Variants in ANO7 observed in about 807,000 individuals in gnomAD.
ANO7 encodes the protein anoctamin-7.
ANO7 carries 114 observed loss-of-function variants against 115.8 expected under a neutral mutation model. The ratio of observed to expected loss-of-function variants is 0.98; its 90% CI spans 0.85 to 1.15. The LOEUF (loss-of-function observed/expected upper bound fraction) is 1.15, where lower values mean the gene tolerates loss of function less well. ANO7 is among the 50% of genes most tolerant of loss of function. The probability of loss-of-function intolerance (pLI) is 0.00; values close to 1 mark genes in which losing one functional copy is unlikely to be tolerated. For missense variants in ANO7, 1,302 were observed against 1,201.2 expected (o/e 1.08, Z -1.24); for synonymous variants, 550 against 498.2 (o/e 1.10, Z -1.38).
rs370329813 is a variant in ANO7 at position 241,209,290 on chromosome 2, C to T, written c.1083C>T (p.Gly361=). The part of the protein sequence containing the change: ...LSSACALAQA[G]RLFDHGGTVF... ...GCCCCCGCTCCCTGCCACAGGCCGG[C>T]CGGCTGTTCGACCACGGCGGCACCG... is the stretch of plus-strand genomic sequence containing the variant. The change falls in exon 12 of 25, where the codon GGC becomes GGT. Residue 361 remains glycine, a synonymous_variant. Coordinates refer to ENST00000674324, the MANE Select transcript of ANO7 (RefSeq NM_001370694.2). The T allele has an allele frequency of 2.1e-5, 32 of 1,553,170 alleles. 1 individual carries two copies. The highest frequency in any genetic ancestry group is 3.3e-4 in the Middle Eastern group (2 of 6,020).
the ANO7 span, chr2:241,235,346 A>G: frequency 1.9e-6 from 3 of 1,554,018 alleles, no homozygotes; most frequent in South Asian, 2.4e-5. Context: ...GTGAGAGGGA[A>G]GGCCACCCGC....
intron 21 of ANO7, among the ~76,000 whole-genome samples, chr2:241,218,861 G>C (rs368162121): frequency 6.6e-6 from 1 of 152,132 alleles, no homozygotes; most frequent in Non-Finnish European, 1.5e-5. Flanking sequence ...ATCAGCTAAC[G>C]GTACAAAAAG....
intron 22 of ANO7, 27 bp from the exon 23 acceptor site, chr2:241,223,635 G>C: frequency 6.2e-7 from 1 of 1,607,334 alleles, no homozygotes; most frequent in Non-Finnish European, 8.5e-7. Flanking sequence ...CGTTTGGGTG[G>C]GCGTGAGTGC....
At chr2:241,209,127 T>C (rs373096463) in intron 11 of ANO7, among the ~76,000 whole-genome samples, 158 bp from the exon 12 acceptor site, 113 of 152,258 alleles carry the variant, frequency 7.4e-4, no homozygotes, top group Middle Eastern at 3.4e-3. Flanking sequence ...CCAGCCTGGG[T>C]GACAGAGCCA....
chr2:241,201,184 C>G (rs530736428), intron 6 of ANO7, 114 bp from the exon 7 acceptor site: 1 of 1,265,126 alleles, frequency 7.9e-7, no homozygotes, highest in South Asian at 1.9e-5. Context: ...CGCCAGCACC[C>G]GGGCCCCAAA....
Position 241,201,337 on chromosome 2 carries a change from C to A in ANO7, c.594C>A (p.Ser198Arg). The change falls in exon 7 of 25, where the codon AGC becomes AGA. Residue 198 changes from serine to arginine, a missense_variant. Physicochemically the swap from Ser to Arg is moderately radical, Grantham distance 110. Coordinates refer to ENST00000674324, the MANE Select transcript of ANO7 (RefSeq NM_001370694.2). ...ACAACCAGGACACCTTCTTCACAAG[C>A]ACCAAGAGGCACCAAATTGTGAGTG... ...GSDNQDTFFT[S>R]TKRHQILFEI... 6.2e-7 allele frequency: 1 copy of A among 1,612,950 alleles called. No individual in the cohort carries two copies. The highest frequency in any genetic ancestry group is 8.5e-7 in the Non-Finnish European group (1 of 1,179,622).
chr2:241,215,739 A>G (rs2149246128), intron 18 of ANO7, among the ~76,000 whole-genome samples: 1 of 152,312 alleles, frequency 6.6e-6, no homozygotes, highest in South Asian at 2.1e-4. Context: ...TTTCCCTGGG[A>G]CACCACAGTC....
chr2:241,195,976 AC>A (rs2068318678), intron 4 of ANO7, 131 bp downstream of exon 4: 13 of 1,564,186 alleles, frequency 8.3e-6, no homozygotes, highest in South Asian at 6.9e-5. Flanking sequence ...GTCCTGCTGG[AC>A]CCCCCAGCCA....
downstream of ANO7, chr2:241,229,447 C>G: frequency 1.6e-6 from 1 of 612,972 alleles, no homozygotes; most frequent in Non-Finnish European, 2.9e-6. Flanking sequence ...CGGCCGCACA[C>G]ACAGCCAGGC....
At chr2:241,235,553 G>C in the ANO7 span, 1 of 1,614,100 alleles carries the variant, frequency 6.2e-7, no homozygotes, top group Non-Finnish European at 8.5e-7. Flanking sequence ...AACGGTGAAG[G>C]TCAAAGGGCA....
At chr2:241,196,838 CGTGT>C (rs60120827) in intron 4 of ANO7, among the ~76,000 whole-genome samples, 11,306 of 146,712 alleles carry the variant, frequency 0.077, 498 homozygotes, top group East Asian at 0.15. Flanking sequence ...TCAATTCATT[CGTGT>C]GTGTGTGTGT....
At chr2:241,202,350 T>G in intron 8 of ANO7, 46 bp downstream of exon 8, 1 of 1,556,642 alleles carries the variant, frequency 6.4e-7, no homozygotes, top group Non-Finnish European at 8.8e-7. Context: ...GGGAGATGAG[T>G]CCCCTTGGGT....
At chr2:241,218,639 A>G (rs1033731710) in intron 21 of ANO7, among the ~76,000 whole-genome samples, 2 of 152,222 alleles carry the variant, frequency 1.3e-5, no homozygotes, top group Non-Finnish European at 2.9e-5. Context: ...GTGTAGCAGG[A>G]CGAGTCGCAG....
intron 1 of ANO7, 56 bp from the exon 2 acceptor site, chr2:241,190,001 G>T: frequency 7.2e-7 from 1 of 1,381,002 alleles, no homozygotes; most frequent in Non-Finnish European, 1.0e-6. Context: ...CCCCAGGAAC[G>T]GGTCTCACCC....
chr2:241,202,225 G>A lies in ANO7; in HGVS notation c.644G>A (p.Gly215Asp), dbSNP rs1205968418. Residue 215 changes from glycine to aspartate, a missense_variant, in exon 8 of 25, where the codon GGC becomes GAC. Gly to Asp is a moderately conservative substitution (Grantham distance 94, BLOSUM62 -1). Transcript: ENST00000674324. The stretch of plus-strand genomic sequence containing the variant: ...GAGATCCTGGCCAAGACCCCGTATG[G>A]CCACGAGAAGAAAAACCTGCTTGGG... The part of the protein sequence containing the change: ...LFEILAKTPY[G>D]HEKKNLLGIH... 7 of 1,613,682 alleles carry A rather than the reference G, an allele frequency of 4.3e-6. No homozygotes were observed. Among genetic ancestry groups the A allele is most frequent in the Non-Finnish European group, 5.9e-6 (7 of 1,179,978 alleles).
intron 6 of ANO7, 92 bp downstream of exon 6, chr2:241,200,317 C>T (rs879100937): frequency 6.7e-7 from 1 of 1,493,264 alleles, no homozygotes; most frequent in South Asian, 1.3e-5. Context: ...CCCCAGGACT[C>T]TCCTCACCTG....
downstream of ANO7, chr2:241,230,716 G>A (rs375648819): frequency 3.0e-5 from 48 of 1,574,244 alleles, no homozygotes; most frequent in African/African-American, 4.0e-5. This position sits in a 1 kb window ranked among gnomAD's most constrained non-coding sequence, Gnocchi z 5.0. Flanking sequence ...AGGTGCCCCC[G>A]GTGAGAGAGG....
chr2:241,233,069 CCAGGGGGTTTGCTGT>C, the ANO7 span, among the ~76,000 whole-genome samples: 1 of 151,794 alleles, frequency 6.6e-6, no homozygotes, highest in Non-Finnish European at 1.5e-5. This position sits in a 1 kb window ranked among gnomAD's most constrained non-coding sequence, Gnocchi z 4.3. Context: ...GGCTCTGCTG[CCAGGGGGTTTGCTGT>C]TTCTGGAAAC....
Position 241,223,921 on chromosome 2 carries a change from A to G in ANO7, c.2549A>G (p.Asn850Ser). ...LAENEVLFGT[N>S]GTKDEQPEGS... is the part of the protein sequence containing the mutation. ...TGGGGACAGGTTCTTTTTGGAACGA[A>G]CGGAACAAAGGATGAGCAGCCCGAG... Residue 850 changes from asparagine to serine, a missense_variant, in exon 24 of 25, where the codon AAC becomes AGC. Asn to Ser is a conservative substitution (Grantham distance 46). Transcript: ENST00000674324. The G allele has an allele frequency of 6.2e-7, 1 of 1,613,318 alleles. No homozygotes were observed. Among genetic ancestry groups the G allele is most frequent in the Non-Finnish European group, 8.5e-7 (1 of 1,179,992 alleles).
Sources: gnomAD v4.1 joint callset for allele counts (sites outside exome capture counted in the v4.1 genomes callset) on GRCh38, gnomAD v4.1.1 for gene constraint, Gnocchi (gnomAD v3.1) non-coding constraint, MANE v1.5 for transcripts, NCBI Gene and HGNC (gene_info 2026-07-23, HGNC 2026-07-21) for gene names.